Variants in IL1RAPL1 observed in about 807,000 individuals in gnomAD.
IL1RAPL1 encodes interleukin-1 receptor accessory protein-like 1.
In IL1RAPL1, 3 loss-of-function variants were observed where a neutral mutation model predicts 48.4. The ratio of observed to expected loss-of-function variants is 0.06; its 90% confidence interval spans 0.03 to 0.16. The LOEUF (loss-of-function observed/expected upper bound fraction) is 0.16, where lower values mean the gene tolerates loss of function less well. Ranked by LOEUF, IL1RAPL1 falls within the 10% of genes least tolerant of loss-of-function variation. The pLI is 1.00. For synonymous variants in IL1RAPL1, 185 were observed against 187.7 expected (o/e 0.99, Z 0.12); for missense variants, 349 against 530.6 (o/e 0.66, Z 3.36).
intron 2 of IL1RAPL1, among the ~76,000 whole-genome samples, chrX:28,834,303 A>C (rs1462070094): frequency 8.9e-6 from 1 of 111,824 alleles, no homozygotes; most frequent in East Asian, 2.8e-4. Context: ...ATGTTTAAAA[A>C]ATTCATCCCT....
chrX:28,610,587 A>G lies in IL1RAPL1; in HGVS notation c.-25+22540A>G, dbSNP rs144974563. Among the ~76,000 whole-genome samples the G allele has an allele frequency of 9.0e-3, 1,006 of 112,241 alleles. 10 individuals are homozygous for G. The highest frequency in any genetic ancestry group is 0.031 in the African/African-American group (947 of 30,956). ...AGCAGTTAGCATCATTTTGTCCCTT[A>G]TAGTTCTAGATGAAAGAACACCAAT... On this transcript the variant is annotated intron_variant, in intron 1 of 10. Coordinates refer to ENST00000378993, the MANE Select transcript of IL1RAPL1 (RefSeq NM_014271.4).
At chrX:29,952,737 T>G (rs1022173993) in intron 9 of IL1RAPL1, among the ~76,000 whole-genome samples, 9 of 112,145 alleles carry the variant, frequency 8.0e-5, no homozygotes, top group Admixed American at 2.8e-4. Context: ...TACAACTATA[T>G]GCTGGCTAAA....
intron 6 of IL1RAPL1, among the ~76,000 whole-genome samples, chrX:29,692,877 C>A (rs1926809541): frequency 8.9e-6 from 1 of 111,873 alleles, no homozygotes; most frequent in African/African-American, 3.3e-5. Context: ...GTTTGGTTTT[C>A]TGCTGAGTTG....
At chrX:29,444,838 A>G (rs1934593735) in intron 5 of IL1RAPL1, among the ~76,000 whole-genome samples, 1 of 112,193 alleles carries the variant, frequency 8.9e-6, no homozygotes, top group Admixed American at 9.5e-5. Context: ...AGACTAGATA[A>G]TGATTGAATA....
chrX:29,918,786 T>A (rs188452941), intron 7 of IL1RAPL1, among the ~76,000 whole-genome samples: 36 of 112,391 alleles, frequency 3.2e-4, no homozygotes, highest in Admixed American at 1.0e-3. Flanking sequence ...GTTTACTTAT[T>A]TATTCATTTA....
chrX:29,465,459 T>C lies in IL1RAPL1; in HGVS notation c.703+66151T>C, dbSNP rs568086023. On this transcript the variant is annotated intron_variant, in intron 5 of 10. Transcript: ENST00000378993. The stretch of plus-strand genomic sequence containing the variant: ...ACTTTGTAAATGCATATGCTATTCT[T>C]CTAATGCTTTTAGACACTTCAGTGC... Among the ~76,000 whole-genome samples the C allele has an allele frequency of 5.4e-5, 6 of 111,974 alleles. No individual in the cohort carries two copies. In the East Asian group the frequency reaches 1.1e-3, roughly 21 times the overall value.
intron 5 of IL1RAPL1, among the ~76,000 whole-genome samples, chrX:29,504,247 C>A (rs1282555976): frequency 9.0e-6 from 1 of 111,274 alleles, no homozygotes; most frequent in Non-Finnish European, 1.9e-5. Context: ...GTTTTGTGGC[C>A]TAAGAGATGG....
At chrX:29,129,418 G>A (rs748134971) in intron 2 of IL1RAPL1, among the ~76,000 whole-genome samples, 71 of 110,395 alleles carry the variant, frequency 6.4e-4, no homozygotes, top group Middle Eastern at 9.3e-3. Context: ...AACCATAAAT[G>A]CTTAAACTCA....
In IL1RAPL1 at chrX:29,255,205, G is replaced by A. The variant is rs144206049; in HGVS notation, c.83-27733G>A. Among the ~76,000 whole-genome samples the A allele has an allele frequency of 3.7e-3, 397 of 107,684 alleles. 1 individual carries two copies. The highest frequency in any genetic ancestry group is 0.013 in the African/African-American group (380 of 29,537). 93.5% of individuals were successfully genotyped at this position (107,684 alleles called of 115,157 possible). A position where few individuals can be genotyped will look rare whatever the true frequency, so the allele number is the denominator to read the frequency against. ...TGTTCTTCTAAAACTATTTTCTTCA[G>A]TTCTAGGTTTCCTAGTTTGGAGCAG... On this transcript the variant is annotated intron_variant, in intron 2 of 10. Transcript: ENST00000378993.
intron 2 of IL1RAPL1, among the ~76,000 whole-genome samples, chrX:29,280,657 G>A (rs1932187136): frequency 8.9e-6 from 1 of 112,014 alleles, no homozygotes; most frequent in Non-Finnish European, 1.9e-5. Context: ...ACAATTCTAG[G>A]CACTGTGGCT....
intron 2 of IL1RAPL1, among the ~76,000 whole-genome samples, chrX:29,116,884 G>A (rs772535610): frequency 9.0e-6 from 1 of 111,538 alleles, no homozygotes; most frequent in Non-Finnish European, 1.9e-5. Context: ...GTCAAGTCAG[G>A]GAGAATCTGC....
At chrX:28,817,086 A>G (rs2147279230) in intron 2 of IL1RAPL1, among the ~76,000 whole-genome samples, 1 of 110,737 alleles carries the variant, frequency 9.0e-6, no homozygotes, top group East Asian at 2.9e-4. Context: ...ACATTTATTC[A>G]ATTATACATA....
chrX:29,195,812 C>T (rs1447663782), intron 2 of IL1RAPL1, among the ~76,000 whole-genome samples: 1 of 111,066 alleles, frequency 9.0e-6, no homozygotes, highest in Non-Finnish European at 1.9e-5. Flanking sequence ...CCACCCGCCT[C>T]GGCCTTCCAA....
At chrX:29,787,299 G>A (rs776314502) in intron 6 of IL1RAPL1, among the ~76,000 whole-genome samples, 2 of 111,472 alleles carry the variant, frequency 1.8e-5, no homozygotes, top group East Asian at 5.7e-4. Flanking sequence ...AAACTATAAG[G>A]GCAAAGCAAG....
chrX:29,037,612 G>A (rs1238146669), intron 2 of IL1RAPL1, among the ~76,000 whole-genome samples: 1 of 111,654 alleles, frequency 9.0e-6, no homozygotes, highest in African/African-American at 3.3e-5. Context: ...CAAAATGAAG[G>A]ATAATGACTC....
At chrX:29,834,492 ATTTTTTTTTTTT>A (rs34399580) in intron 6 of IL1RAPL1, among the ~76,000 whole-genome samples, 1 of 72,797 alleles carries the variant, frequency 1.4e-5, no homozygotes, top group African/African-American at 5.3e-5. Flanking sequence ...AAGAAAAAGG[ATTTTTTTTTTTT>A]TTTTTTTTTT....
At chrX:29,542,841 C>A (rs1237698347) in intron 5 of IL1RAPL1, among the ~76,000 whole-genome samples, 4 of 111,976 alleles carry the variant, frequency 3.6e-5, no homozygotes, top group Non-Finnish European at 7.5e-5. Flanking sequence ...AACCTCATGT[C>A]TTTTAGGAAA....
At chrX:28,725,148 C>T (rs1354036883) in intron 1 of IL1RAPL1, among the ~76,000 whole-genome samples, 2 of 109,480 alleles carry the variant, frequency 1.8e-5, no homozygotes, top group South Asian at 4.0e-4. Flanking sequence ...GACGAGGTTT[C>T]ACCGTGTTAG....
At position 29,350,252 on chromosome X, in the gene IL1RAPL1, AC is replaced by A. The variant is rs762325404; in HGVS notation, c.363-45995del. On this transcript the variant is annotated intron_variant, in intron 3 of 10. Transcript: ENST00000378993. ...TAAAATCAGTTGTGTGTTTGGATAC[AC>A]CCCCCCCCCCACCTGGCTCATAGAC... Among the ~76,000 whole-genome samples, 379 of 41,411 alleles carry A rather than the reference AC, an allele frequency of 9.2e-3. 16 individuals carry two copies. Among genetic ancestry groups the A allele is most frequent in the Middle Eastern group, 0.043 (3 of 70 alleles). The allele number at this position is 41,411 out of a possible 115,157, so 36.0% of individuals were successfully genotyped here.
Sources: allele counts gnomAD v4.1 joint callset (sites outside exome capture counted in the v4.1 genomes callset), GRCh38; gene constraint gnomAD v4.1.1; transcripts MANE v1.5; gene names NCBI Gene and HGNC (gene_info 2026-07-23, HGNC 2026-07-21).